The following HS6ST3 variants were observed in gnomAD, a reference collection of about 807,000 sequenced individuals.
The protein encoded by HS6ST3 is heparan-sulfate 6-O-sulfotransferase 3.
In HS6ST3, 12 loss-of-function variants were observed where a neutral mutation model predicts 36.7. The ratio of observed to expected loss-of-function variants is 0.33; its 90% confidence interval spans 0.21 to 0.53. The LOEUF is 0.53. Ranked by LOEUF, HS6ST3 falls within the 20% of genes least tolerant of loss-of-function variation. The probability of loss-of-function intolerance (pLI) is 0.95; values close to 1 mark genes in which losing one functional copy is unlikely to be tolerated. For missense variants in HS6ST3, 584 were observed against 640.9 expected (o/e 0.91, Z 0.96); for synonymous variants, 240 against 257.5 (o/e 0.93, Z 0.65).
At chr13:96,603,532 A>G (rs2056428802) in intron 1 of HS6ST3, among the ~76,000 whole-genome samples, 1 of 152,182 alleles carries the variant, frequency 6.6e-6, no homozygotes. Context: ...ACTTATATCC[A>G]TAAACTTTGT....
chr13:96,227,856 C>A (rs949111605), intron 1 of HS6ST3, among the ~76,000 whole-genome samples: 2 of 152,172 alleles, frequency 1.3e-5, no homozygotes, highest in East Asian at 3.9e-4. Context: ...CTTTTGAATT[C>A]CAGTTGCTTT....
intron 1 of HS6ST3, among the ~76,000 whole-genome samples, chr13:96,727,190 A>C (rs1235288173): frequency 6.6e-6 from 1 of 152,184 alleles, no homozygotes; most frequent in Non-Finnish European, 1.5e-5. Flanking sequence ...ACTTACCTTC[A>C]AGCATAAAAG....
chr13:96,199,853 ATT>A (rs35926456), intron 1 of HS6ST3, among the ~76,000 whole-genome samples: 1 of 147,044 alleles, frequency 6.8e-6, no homozygotes, highest in African/African-American at 2.5e-5. Context: ...TCTGGCTCAT[ATT>A]TTTTTTTTTA....
intron 1 of HS6ST3, among the ~76,000 whole-genome samples, chr13:96,243,025 G>C (rs1930223): frequency 0.56 from 85,745 of 152,048 alleles, 24,442 homozygotes; most frequent in Admixed American, 0.67. Context: ...AAAAAAGAAA[G>C]AGTTGAAATT....
chr13:96,372,091 A>G (rs1475952120), intron 1 of HS6ST3, among the ~76,000 whole-genome samples: 1 of 152,178 alleles, frequency 6.6e-6, no homozygotes, highest in Non-Finnish European at 1.5e-5. Flanking sequence ...ATCATTTTAT[A>G]TTCCTACCAA....
intron 1 of HS6ST3, among the ~76,000 whole-genome samples, chr13:96,492,528 C>G (rs1162318372): frequency 1.3e-5 from 2 of 152,240 alleles, no homozygotes; most frequent in African/African-American, 4.8e-5. Flanking sequence ...CTATCTCTCT[C>G]TCCTTCCTTG....
chr13:96,407,124 A>G (rs994136231), intron 1 of HS6ST3, among the ~76,000 whole-genome samples: 1 of 152,118 alleles, frequency 6.6e-6, no homozygotes, highest in Non-Finnish European at 1.5e-5. Flanking sequence ...GTATTTGTTA[A>G]TATTAAAACT....
At chr13:96,790,618 A>C (rs1285835419) in intron 1 of HS6ST3, among the ~76,000 whole-genome samples, 9 of 152,092 alleles carry the variant, frequency 5.9e-5, no homozygotes, top group Admixed American at 5.9e-4. Context: ...AAGTATTCAC[A>C]CAAATATGAT....
intron 1 of HS6ST3, among the ~76,000 whole-genome samples, chr13:96,400,603 G>C (rs1419426686): frequency 6.6e-6 from 1 of 152,076 alleles, no homozygotes; most frequent in African/African-American, 2.4e-5. Flanking sequence ...CTTTGAACAG[G>C]AGCATATCAG....
chr13:96,520,563 T>A (rs2056089139), intron 1 of HS6ST3, among the ~76,000 whole-genome samples: 1 of 152,190 alleles, frequency 6.6e-6, no homozygotes, highest in East Asian at 1.9e-4. Context: ...CTTGAAGAGG[T>A]CCTTCACATC....
intron 1 of HS6ST3, among the ~76,000 whole-genome samples, chr13:96,094,453 T>TA (rs1477243386): frequency 6.6e-6 from 1 of 152,204 alleles, no homozygotes; most frequent in Non-Finnish European, 1.5e-5. Flanking sequence ...CATTTTATGA[T>TA]TACTTGTATT....
intron 1 of HS6ST3, among the ~76,000 whole-genome samples, chr13:96,599,597 A>AT (rs1246834179): frequency 1.3e-5 from 2 of 150,332 alleles, no homozygotes; most frequent in Non-Finnish European, 3.0e-5. Flanking sequence ...TTTTTGTTTC[A>AT]TTGGTCCTTT....
intron 1 of HS6ST3, among the ~76,000 whole-genome samples, chr13:96,461,066 T>C (rs1202486064): frequency 2.0e-5 from 3 of 152,238 alleles, no homozygotes; most frequent in Non-Finnish European, 2.9e-5. Flanking sequence ...TGCTGCAGAA[T>C]GCAATAATTT....
chr13:96,345,670 C>T (rs2055150611), intron 1 of HS6ST3, among the ~76,000 whole-genome samples: 1 of 152,108 alleles, frequency 6.6e-6, no homozygotes, highest in Admixed American at 6.6e-5. Flanking sequence ...ACAACTTTTC[C>T]ACGGATTGGG....
intron 1 of HS6ST3, among the ~76,000 whole-genome samples, chr13:96,114,174 C>T (rs1420266664): frequency 6.6e-6 from 1 of 151,310 alleles, no homozygotes; most frequent in African/African-American, 2.4e-5. Context: ...TTTCTAGTGA[C>T]AGGATCAGTC....
At chr13:96,736,858 G>C (rs1009790710) in intron 1 of HS6ST3, among the ~76,000 whole-genome samples, 2 of 152,092 alleles carry the variant, frequency 1.3e-5, no homozygotes, top group Non-Finnish European at 2.9e-5. Flanking sequence ...AAACAAACAT[G>C]GAGACAATAA....
intron 1 of HS6ST3, among the ~76,000 whole-genome samples, chr13:96,733,818 G>A (rs1924582): frequency 0.45 from 68,394 of 151,988 alleles, 15,587 homozygotes; most frequent in African/African-American, 0.52. Context: ...TTGTTTAAGA[G>A]AGACCTTTGA....
At chr13:96,687,496 A>G (rs1317999979) in intron 1 of HS6ST3, among the ~76,000 whole-genome samples, 2 of 152,066 alleles carry the variant, frequency 1.3e-5, no homozygotes, top group African/African-American at 4.8e-5. Flanking sequence ...AGTTGAGCTC[A>G]CTTTGGTATT....
At chr13:96,683,206 C>CGA (rs1460092820) in intron 1 of HS6ST3, among the ~76,000 whole-genome samples, 1 of 152,052 alleles carries the variant, frequency 6.6e-6, no homozygotes, top group African/African-American at 2.4e-5. Flanking sequence ...TAGAGTCCAG[C>CGA]TATATATAAC....
Sources: gnomAD v4.1 joint callset for allele counts (sites outside exome capture counted in the v4.1 genomes callset) on GRCh38, gnomAD v4.1.1 for gene constraint, MANE v1.5 for transcripts, NCBI Gene and HGNC (gene_info 2026-07-23, HGNC 2026-07-21) for gene names.